SAMD3: variants seen among roughly 807,000 people sequenced by gnomAD.
SAMD3 encodes sterile alpha motif domain containing 3, also known as sterile alpha motif domain-containing protein 3.
SAMD3 carries 63 observed loss-of-function variants against 58.5 expected under a neutral mutation model. The ratio of observed to expected loss-of-function variants is 1.08; its 90% CI spans 0.88 to 1.33. The LOEUF (loss-of-function observed/expected upper bound fraction) is 1.33, where lower values mean the gene tolerates loss of function less well. Ranked by LOEUF, SAMD3 falls within the 40% of genes most tolerant of loss-of-function variation. The probability of loss-of-function intolerance (pLI) is 0.00; values close to 1 mark genes in which losing one functional copy is unlikely to be tolerated. For synonymous variants in SAMD3, 220 were observed against 210.3 expected, an observed-to-expected ratio of 1.05 and a Z score of -0.40; for missense variants, 604 against 608.4, an observed-to-expected ratio of 0.99 and a Z score of 0.08.
At chr6:130,214,261 A>C in intron 4 of SAMD3, 76 bp downstream of exon 4, 6 of 1,258,070 alleles carry the variant, frequency 4.8e-6, no homozygotes, top group Non-Finnish European at 6.4e-6. Context: ...AAGGGCTTTA[A>C]ACCCAAACGT....
At chr6:130,264,571 A>G (rs919813056) in intron 2 of SAMD3, among the ~76,000 whole-genome samples, 2 of 152,220 alleles carry the variant, frequency 1.3e-5, no homozygotes, top group African/African-American at 4.8e-5. Flanking sequence ...ATAAGACATC[A>G]TAAAGCGGGA....
chr6:130,219,651 G>A (rs1270924364), intron 1 of SAMD3, among the ~76,000 whole-genome samples: 5 of 152,126 alleles, frequency 3.3e-5, no homozygotes, highest in East Asian at 3.8e-4. Context: ...AGGTCACTGC[G>A]AATGCCATTA....
intron 1 of SAMD3, among the ~76,000 whole-genome samples, chr6:130,316,673 T>A (rs1776384951): frequency 6.6e-6 from 1 of 152,110 alleles, no homozygotes; most frequent in Admixed American, 6.5e-5. Flanking sequence ...TGGGGTCAGA[T>A]TTTGGAATTT....
At chr6:130,257,864 A>G (rs574066433) in intron 2 of SAMD3, among the ~76,000 whole-genome samples, 1 of 152,240 alleles carries the variant, frequency 6.6e-6, no homozygotes, top group East Asian at 1.9e-4. Flanking sequence ...GAAGGTAAAC[A>G]CTATTCTGTC....
chr6:130,326,004 C>T (rs1776746128), intron 1 of SAMD3, among the ~76,000 whole-genome samples: 1 of 152,174 alleles, frequency 6.6e-6, no homozygotes, highest in South Asian at 2.1e-4. Context: ...TGGGCAGGGA[C>T]TTGGTTGATA....
intron 1 of SAMD3, among the ~76,000 whole-genome samples, chr6:130,334,412 A>G (rs375393395): frequency 2.0e-5 from 1 of 51,224 alleles, no homozygotes; most frequent in Non-Finnish European, 3.1e-5. Flanking sequence ...TCCTTTCCTG[A>G]AAAAAAGGTA....
intron 2 of SAMD3, among the ~76,000 whole-genome samples, chr6:130,259,575 A>C (rs1403347271): frequency 6.6e-6 from 1 of 152,230 alleles, no homozygotes. Flanking sequence ...AAACCATAGA[A>C]ACACATAAAT....
At chr6:130,167,028 C>T (rs1476656262) in intron 8 of SAMD3, among the ~76,000 whole-genome samples, 3 of 151,974 alleles carry the variant, frequency 2.0e-5, no homozygotes, top group Non-Finnish European at 4.4e-5. Flanking sequence ...GGACACATAG[C>T]TTCATAACCA....
At position 130,289,569 on chromosome 6, in the gene SAMD3, G is replaced by A. The variant is rs142252177; in HGVS notation, c.-188+23409C>T. Among the ~76,000 whole-genome samples the A allele has an allele frequency of 1.4e-4, 22 of 152,162 alleles. No individual in the cohort carries two copies. In the East Asian group the frequency reaches 1.9e-3, roughly 13 times the overall value. ...GGTTAGAGTGCAGTGGCACGATCTC[G>A]GCTCACTGCAACCTCCACCTCCCAG... is the stretch of plus-strand genomic sequence containing the variant. On this transcript the variant is annotated intron_variant, in intron 2 of 13. Coordinates refer to the SAMD3 transcript ENST00000368134.
rs200723427 is a variant in SAMD3, at chr6:130,282,649, G to GA, written c.-188+30328dup. Reference sequence around the variant, plus strand: ...AACCCTCAGAGAAAGAGTGTTCTAAGAAAAAAAAAATCTACTCACTGGTAC... The same window carrying GA: ...AACCCTCAGAGAAAGAGTGTTCTAAGAAAAAAAAAAATCTACTCACTGGTAC... On this transcript the variant is annotated intron_variant, in intron 2 of 13. Coordinates refer to the SAMD3 transcript ENST00000368134. 1.5e-3 allele frequency among the ~76,000 whole-genome samples: 216 copies of GA among 148,950 alleles called. 1 individual carries two copies. The highest frequency in any genetic ancestry group is 4.7e-3 in the African/African-American group (192 of 40,752).
At chr6:130,319,247 A>G (rs997623659) in intron 1 of SAMD3, among the ~76,000 whole-genome samples, 2 of 152,316 alleles carry the variant, frequency 1.3e-5, no homozygotes, top group Middle Eastern at 3.4e-3. Flanking sequence ...ATTACTAAAA[A>G]CATTTCCAAA....
chr6:130,213,727 A>G (rs1203276250), intron 4 of SAMD3, among the ~76,000 whole-genome samples: 1 of 152,154 alleles, frequency 6.6e-6, no homozygotes, highest in Non-Finnish European at 1.5e-5. Flanking sequence ...AAAAACAAAC[A>G]AATAAAACCG....
intron 5 of SAMD3, among the ~76,000 whole-genome samples, chr6:130,186,916 G>GCC (rs1562416139): frequency 2.6e-5 from 4 of 151,912 alleles, no homozygotes; most frequent in African/African-American, 4.8e-5. Context: ...GACTACAGGC[G>GCC]CATGCCACCG....
intron 3 of SAMD3, 82 bp downstream of exon 3, chr6:130,215,113 A>T: frequency 1.3e-6 from 1 of 742,950 alleles, no homozygotes; most frequent in Admixed American, 2.3e-5. Flanking sequence ...ACATTTGGCA[A>T]CAAAAGTAAT....
intron 8 of SAMD3, among the ~76,000 whole-genome samples, chr6:130,163,450 A>G (rs1790447752): frequency 6.6e-6 from 1 of 152,216 alleles, no homozygotes; most frequent in African/African-American, 2.4e-5. Flanking sequence ...GAACTTGAAC[A>G]GTAGCTTAGC....
chr6:130,160,121 A>G (rs902950336), intron 8 of SAMD3: 1 of 152,044 alleles, frequency 6.6e-6, no homozygotes, highest in Admixed American at 6.6e-5. Flanking sequence ...CAGCAAATCC[A>G]CTCCTAAGTA....
intron 1 of SAMD3, chr6:130,221,506 A>G (rs1426565390): frequency 6.6e-6 from 1 of 152,254 alleles, no homozygotes; most frequent in Non-Finnish European, 1.5e-5. Context: ...TTAACTGATA[A>G]CATAGACAAT....
chr6:130,164,763 G>T (rs1478487861), intron 8 of SAMD3, among the ~76,000 whole-genome samples: 3 of 151,994 alleles, frequency 2.0e-5, no homozygotes, highest in African/African-American at 4.8e-5. Context: ...ATGAGGAATT[G>T]TATACTGGAT....
chr6:130,316,791 G>C (rs1454051302), intron 1 of SAMD3, among the ~76,000 whole-genome samples: 2 of 152,330 alleles, frequency 1.3e-5, no homozygotes, highest in Non-Finnish European at 2.9e-5. Context: ...AAGTGTTAAA[G>C]AGCTTCACAT....
Sources: gnomAD v4.1 joint callset for allele counts (sites outside exome capture counted in the v4.1 genomes callset) on GRCh38, gnomAD v4.1.1 for gene constraint, MANE v1.5 for transcripts, NCBI Gene and HGNC (gene_info 2026-07-23, HGNC 2026-07-21) for gene names.